MAPKAPK5: variants seen among roughly 807,000 people sequenced by gnomAD.
The protein encoded by MAPKAPK5 is MAP kinase-activated protein kinase 5.
MAPKAPK5 carries 30 observed loss-of-function variants against 65.1 expected under a neutral mutation model. The ratio of observed to expected loss-of-function variants is 0.46; its 90% CI spans 0.34 to 0.63. MAPKAPK5 has a LOEUF of 0.63. MAPKAPK5 is among the 20% of genes least tolerant of loss of function. MAPKAPK5 has a pLI of 0.01. For synonymous variants in MAPKAPK5, 179 were observed against 204.6 expected (o/e 0.87, Z 1.07); for missense variants, 433 against 581.4 (o/e 0.74, Z 2.63).
chr12:111,853,098 C>T (rs192665700), intron 1 of MAPKAPK5, among the ~76,000 whole-genome samples: 1 of 152,050 alleles, frequency 6.6e-6, no homozygotes, highest in Non-Finnish European at 1.5e-5. Flanking sequence ...CTGTTTTCTT[C>T]TTCACGCCTG....
At chr12:111,860,522 T>TG (rs1286480785) in intron 1 of MAPKAPK5, among the ~76,000 whole-genome samples, 1 of 152,192 alleles carries the variant, frequency 6.6e-6, no homozygotes, top group Non-Finnish European at 1.5e-5. Flanking sequence ...GGTAGATCCA[T>TG]GAATTTTCTT....
At chr12:111,887,566 T>C (rs1593182770) in intron 10 of MAPKAPK5, 1 of 152,232 alleles carries the variant, frequency 6.6e-6, no homozygotes, top group Non-Finnish European at 1.5e-5. Flanking sequence ...CCAGCTACTC[T>C]GGAGGTTGAG....
chr12:111,842,851 T>G (rs2068761079), intron 1 of MAPKAPK5, 82 bp downstream of exon 1: 1 of 1,226,882 alleles, frequency 8.2e-7, no homozygotes, highest in African/African-American at 1.6e-5. Context: ...AGGGAGATTT[T>G]GCAGTGAGAG....
intron 1 of MAPKAPK5, among the ~76,000 whole-genome samples, chr12:111,860,002 G>T (rs1566237265): frequency 1.3e-5 from 2 of 152,186 alleles, no homozygotes; most frequent in Admixed American, 6.5e-5. Flanking sequence ...CCTGGGAGGT[G>T]GAAGTTGTAG....
In MAPKAPK5 at chr12:111,899,276, CA is replaced by C. The variant is rs2136182373; in HGVS notation, c.*6216del. On this transcript the variant is annotated 3_prime_UTR_variant, in exon 14 of 14. Transcript: ENST00000550735. ...TTTATTTGGGCCATGTCACTGGTGG[CA>C]TTATTAAAAGACTCTGCCAACATCC... 6.5e-6 allele frequency: 1 copy of C among 152,828 alleles called. No homozygotes were observed. Among genetic ancestry groups the C allele is most frequent in the African/African-American group, 2.4e-5 (1 of 41,546 alleles). The allele number at this position is 152,828 out of a possible 1,614,324, so 9.5% of individuals were successfully genotyped here.
intron 10 of MAPKAPK5, chr12:111,887,697 C>T (rs1012862612): frequency 1.3e-5 from 2 of 152,024 alleles, no homozygotes; most frequent in African/African-American, 4.8e-5. Flanking sequence ...TGTGAAAATT[C>T]AGGTGGTACA....
intron 13 of MAPKAPK5, among the ~76,000 whole-genome samples, chr12:111,891,130 G>C (rs1031188815): frequency 6.6e-6 from 1 of 151,786 alleles, no homozygotes; most frequent in Admixed American, 6.6e-5. Flanking sequence ...GTCTCCCTCT[G>C]TTGCCCAGGC....
intron 1 of MAPKAPK5, among the ~76,000 whole-genome samples, chr12:111,863,845 TC>T (rs1177365785): frequency 1.3e-5 from 2 of 152,080 alleles, no homozygotes; most frequent in Non-Finnish European, 2.9e-5. Flanking sequence ...CCTCAGGTGA[TC>T]CTCCCACCTC....
At chr12:111,880,404 G>C in intron 7 of MAPKAPK5, 43 bp from the exon 8 acceptor site, 1 of 1,506,082 alleles carries the variant, frequency 6.6e-7, no homozygotes, top group Non-Finnish European at 9.2e-7. Context: ...TATCGGTGGT[G>C]TGATTTTCAT....
chr12:111,881,402 C>CTTTTTTTTTTTTTTTTTTTTTTT lies in MAPKAPK5; in HGVS notation c.660+875_660+876insTTTTTTTTTTTTTTTTTTTTTTT, dbSNP rs1274226182. 3.3e-4 allele frequency among the ~76,000 whole-genome samples: 38 copies of CTTTTTTTTTTTTTTTTTTTTTTT among 116,732 alleles called. 2 individuals are homozygous for CTTTTTTTTTTTTTTTTTTTTTTT. The highest frequency in any genetic ancestry group is 4.6e-4 in the African/African-American group (14 of 30,130). The allele number at this position is 116,732 out of a possible 152,430, so 76.6% of individuals were successfully genotyped here. On this transcript the variant is annotated intron_variant, in intron 8 of 13. Transcript: ENST00000550735. ...AGCCCACATATTGATCCTGTCTGTT[C>CTTTTTTTTTTTTTTTTTTTTTTT]CTTTTTTTTTTTTTTTTTTTGAGAC...
chr12:111,877,192 T>C (rs778970488), intron 7 of MAPKAPK5, among the ~76,000 whole-genome samples: 1 of 152,162 alleles, frequency 6.6e-6, no homozygotes, highest in Non-Finnish European at 1.5e-5. Context: ...TAATTTTTTG[T>C]ATTTTTAGTA....
At chr12:111,863,474 C>A (rs2069508509) in intron 1 of MAPKAPK5, among the ~76,000 whole-genome samples, 1 of 152,194 alleles carries the variant, frequency 6.6e-6, no homozygotes, top group Admixed American at 6.5e-5. Context: ...GCCTGGTATA[C>A]TAGCTGCTCA....
intron 1 of MAPKAPK5, among the ~76,000 whole-genome samples, chr12:111,849,349 G>A (rs968450792): frequency 2.6e-5 from 4 of 151,246 alleles, no homozygotes; most frequent in African/African-American, 7.3e-5. Flanking sequence ...TCCACCTCCC[G>A]GGTTCAAGTG....
intron 8 of MAPKAPK5, among the ~76,000 whole-genome samples, chr12:111,881,705 C>T (rs987695194): frequency 1.3e-5 from 2 of 152,178 alleles, no homozygotes; most frequent in African/African-American, 2.4e-5. Context: ...CGTGCCCAGC[C>T]GATCCTATCT....
rs772503738 is a variant in MAPKAPK5 at position 111,893,040 on chromosome 12, C to T, written c.1395C>T (p.Thr465=). Reference sequence around the variant, plus strand: ...TGAAGCAGGTGATAGAAGAGCAAACCACGTCCCACGAATCCCAATAATGAC... The same window carrying T: ...TGAAGCAGGTGATAGAAGAGCAAACTACGTCCCACGAATCCCAATAATGAC... ...EIVKQVIEEQ[T]TSHESQ is the part of the protein sequence containing the mutation. Residue 465 remains threonine, a synonymous_variant, in exon 14 of 14, where the codon ACC becomes ACT. Transcript: ENST00000550735. 1 of 1,577,786 alleles carries T rather than the reference C, an allele frequency of 6.3e-7. No individual in the cohort carries two copies. The highest frequency in any genetic ancestry group is 8.6e-7 in the Non-Finnish European group (1 of 1,161,152).
intron 2 of MAPKAPK5, 77 bp downstream of exon 2, chr12:111,865,400 T>G: frequency 1.0e-6 from 1 of 986,068 alleles, no homozygotes; most frequent in Admixed American, 2.0e-5. Flanking sequence ...GAAATACATC[T>G]TGAATTAGAC....
intron 12 of MAPKAPK5, 112 bp from the exon 13 acceptor site, chr12:111,889,928 A>G: frequency 1.5e-6 from 1 of 679,830 alleles, no homozygotes; most frequent in East Asian, 2.7e-5. Flanking sequence ...GAAGTTTTGC[A>G]CATTCAGTCA....
chr12:111,884,501 G>A (rs1448454538), intron 9 of MAPKAPK5, among the ~76,000 whole-genome samples: 1 of 152,322 alleles, frequency 6.6e-6, no homozygotes, highest in Admixed American at 6.5e-5. Flanking sequence ...GTGAGCCACC[G>A]CACCCAGCTG....
chr12:111,865,197 G>C (rs1256010637), intron 1 of MAPKAPK5, 53 bp from the exon 2 acceptor site: 1 of 1,172,876 alleles, frequency 8.5e-7, no homozygotes, highest in African/African-American at 1.5e-5. Context: ...TGCTTATTCA[G>C]TTTGTTAACT....
Sources: gnomAD v4.1 joint callset for allele counts (sites outside exome capture counted in the v4.1 genomes callset) on GRCh38, gnomAD v4.1.1 for gene constraint, MANE v1.5 for transcripts, NCBI Gene and HGNC (gene_info 2026-07-23, HGNC 2026-07-21) for gene names.